RPAP1: variants seen among roughly 807,000 people sequenced by gnomAD.
RPAP1 encodes the protein RNA polymerase II-associated protein 1.
RPAP1 carries 109 observed loss-of-function variants against 142.4 expected under a neutral mutation model. The observed-to-expected ratio is 0.77, with a 90% CI of 0.66 to 0.90. The LOEUF (loss-of-function observed/expected upper bound fraction) is 0.90. RPAP1 is among the 40% of genes least tolerant of loss of function. The pLI, the probability that RPAP1 is intolerant of heterozygous loss-of-function variation, is 0.00. For missense variants in RPAP1, 1,546 were observed against 1,751.7 expected (o/e 0.88, Z 2.10); for synonymous variants, 704 against 738.9 (o/e 0.95, Z 0.77).
At chr15:41,524,868 C>T in intron 15 of RPAP1, 123 bp downstream of exon 15, 1 of 984,488 alleles carries the variant, frequency 1.0e-6, no homozygotes, top group East Asian at 2.7e-5. Flanking sequence ...TGGCAGAAGC[C>T]CTCCCACTCA....
intron 1 of RPAP1, among the ~76,000 whole-genome samples, chr15:41,541,801 C>T (rs1394039187): frequency 2.6e-5 from 4 of 152,054 alleles, no homozygotes; most frequent in African/African-American, 4.8e-5. Flanking sequence ...GAGCCAAGAT[C>T]GTGCCACTGC....
rs185353978 is a variant in RPAP1, at chr15:41,523,133, C to T, written c.2546+112G>A. 1.4e-3 allele frequency: 1,334 copies of T among 964,714 alleles called. 17 individuals are homozygous for T. Among genetic ancestry groups the T allele is most frequent in the South Asian group, 0.013 (779 of 57,982 alleles). The allele number at this position is 964,714 out of a possible 1,614,324, so 59.8% of individuals were successfully genotyped here. A position where few individuals can be genotyped will look rare whatever the true frequency, so the allele number is the denominator to read the frequency against. Reference sequence around the variant, plus strand: ...GCCTGCTAGGGACTCGGGTTTCCCTCGGGCCGAGGGCCTGCACCCTGGGAT... The same window carrying T: ...GCCTGCTAGGGACTCGGGTTTCCCTTGGGCCGAGGGCCTGCACCCTGGGAT... On this transcript the variant is annotated intron_variant, in intron 18 of 24. Transcript: ENST00000304330.
Position 41,523,260 on chromosome 15 carries a change from A to G in RPAP1, c.2531T>C (p.Leu844Pro), listed in dbSNP as rs775941787. 4 of 1,601,628 alleles carry G rather than the reference A, an allele frequency of 2.5e-6. No individual in the cohort carries two copies. In the African/African-American group the frequency reaches 5.4e-5, roughly 22 times the overall value. Residue 844 changes from leucine (L) to proline (P), a missense_variant, in exon 18 of 25, where the codon CTG (leucine) becomes CCG (proline). By Grantham distance (98) the Leu-to-Pro change is moderately conservative. Coordinates refer to ENST00000304330, the MANE Select transcript of RPAP1 (RefSeq NM_015540.4). Reference sequence around the variant, plus strand: ...CAGTACATACCTAAGGGAATCCCACAGGCTGCCCAGTGTGGGCTGACTCAG... The same window carrying G: ...CAGTACATACCTAAGGGAATCCCACGGGCTGCCCAGTGTGGGCTGACTCAG... Reference protein sequence around the residue: ...PLLSQPTLGSLWDSLRHCSLL... With the variant: ...PLLSQPTLGSPWDSLRHCSLL...
chr15:41,526,616 A>AGCCCAGC (rs2051793031), intron 14 of RPAP1, among the ~76,000 whole-genome samples: 1 of 152,172 alleles, frequency 6.6e-6, no homozygotes, highest in Non-Finnish European at 1.5e-5. Context: ...TAGATGATGA[A>AGCCCAGC]TGCCTATGTG....
At chr15:41,523,047 A>C in intron 18 of RPAP1, 87 bp from the exon 19 acceptor site, 1 of 1,178,940 alleles carries the variant, frequency 8.5e-7, no homozygotes, top group Non-Finnish European at 1.2e-6. Flanking sequence ...CCTAAGACTA[A>C]CGGGGGGCCT....
chr15:41,532,042 G>C (rs1223293684), intron 6 of RPAP1, among the ~76,000 whole-genome samples: 1 of 143,510 alleles, frequency 7.0e-6, no homozygotes, highest in Non-Finnish European at 1.5e-5. Flanking sequence ...TTTTTTTTGA[G>C]ACAGAGTCTC....
chr15:41,525,816 G>A (rs1339219788), intron 14 of RPAP1, among the ~76,000 whole-genome samples: 1 of 151,828 alleles, frequency 6.6e-6, no homozygotes, highest in East Asian at 1.9e-4. Flanking sequence ...CACCACGCCT[G>A]GCTAATTTTT....
chr15:41,523,207 C>T, intron 18 of RPAP1, 38 bp downstream of exon 18: 1 of 1,389,470 alleles, frequency 7.2e-7, no homozygotes. Context: ...AAATTGCCTC[C>T]TCCCCTGCTT....
Position 41,537,212 on chromosome 15 carries a change from G to A in RPAP1, c.-76-11C>T. On this transcript the variant is annotated splice_polypyrimidine_tract_variant and intron_variant, in intron 1 of 24. Transcript: ENST00000304330. ...CCCTCTTATTCATCCCTAAGAGCAAGAAAGAATATGGGCCCTCTGCAACTG... is the reference window on the plus strand; with the variant it reads ...CCCTCTTATTCATCCCTAAGAGCAAAAAAGAATATGGGCCCTCTGCAACTG... The A allele has an allele frequency of 7.7e-7, 1 of 1,307,006 alleles. No individual in the cohort carries two copies. The highest frequency in any genetic ancestry group is 1.1e-6 in the Non-Finnish European group (1 of 943,244). The allele number at this position is 1,307,006 out of a possible 1,614,324, so 81.0% of individuals were successfully genotyped here. A position where few individuals can be genotyped will look rare whatever the true frequency, so the allele number is the denominator to read the frequency against.
intron 1 of RPAP1, among the ~76,000 whole-genome samples, chr15:41,537,807 T>C (rs754714574): frequency 4.8e-5 from 7 of 145,936 alleles, no homozygotes; most frequent in Non-Finnish European, 9.0e-5. Flanking sequence ...CGCTTGAACC[T>C]GGGAGATGGA....
intron 6 of RPAP1, chr15:41,533,544 T>A (rs961605600): frequency 7.2e-6 from 1 of 137,976 alleles, no homozygotes; most frequent in Admixed American, 7.4e-5. Context: ...TAAAAGAAAT[T>A]CGCTGGGGGC....
chr15:41,533,491 C>G (rs780959906), intron 6 of RPAP1: 2 of 149,800 alleles, frequency 1.3e-5, no homozygotes, highest in African/African-American at 2.5e-5. Flanking sequence ...AAAACAAAAA[C>G]CAACCTGTGC....
In RPAP1 at chr15:41,527,080, A is replaced by G. The variant is rs1385843965; in HGVS notation, c.1747-12T>C. 3.7e-6 allele frequency: 6 copies of G among 1,613,006 alleles called. No homozygotes were observed. The highest frequency in any genetic ancestry group is 5.1e-6 in the Non-Finnish European group (6 of 1,179,144). On this transcript the variant is annotated splice_polypyrimidine_tract_variant and intron_variant, in intron 13 of 24. Transcript: ENST00000304330. ...GGGCACTCCAGGACCTATGGGAGACAGGAGGTAAAAGGGAGGAAGGGAGGC... is the reference window on the plus strand; with the variant it reads ...GGGCACTCCAGGACCTATGGGAGACGGGAGGTAAAAGGGAGGAAGGGAGGC...
chr15:41,524,346 G>C, intron 15 of RPAP1, 92 bp from the exon 16 acceptor site: 1 of 1,122,858 alleles, frequency 8.9e-7, no homozygotes, highest in South Asian at 2.1e-5. Context: ...TCTGCAGTTT[G>C]ATAAAGGAGG....
Position 41,522,098 on chromosome 15 carries a change from C to G in RPAP1, c.2895G>C (p.Ala965=). The change falls in exon 20 of 25, where the codon GCG becomes GCC. Residue 965 remains alanine, a splice_region_variant and synonymous_variant. Coordinates refer to ENST00000304330, the MANE Select transcript of RPAP1 (RefSeq NM_015540.4). ...QYLALALAQK[A]AALQPLPATH... Reference sequence around the variant, plus strand: ...GAACCTGTCAGACAGGGGGACCTACCGCTTTCTGGGCCAGAGCGAGTGCCA... The same window carrying G: ...GAACCTGTCAGACAGGGGGACCTACGGCTTTCTGGGCCAGAGCGAGTGCCA... The G allele has an allele frequency of 6.2e-7, 1 of 1,613,052 alleles. No individual in the cohort carries two copies. The highest frequency in any genetic ancestry group is 8.5e-7 in the Non-Finnish European group (1 of 1,179,668).
In RPAP1 at chr15:41,534,879, T is replaced by C; in HGVS notation, c.598A>G (p.Ser200Gly). The C allele has an allele frequency of 1.2e-6, 2 of 1,614,204 alleles. No individual in the cohort carries two copies. Among genetic ancestry groups the C allele is most frequent in the South Asian group, 1.1e-5 (1 of 91,088 alleles). Residue 200 changes from serine (S) to glycine (G), a missense_variant, in exon 6 of 25, where the codon AGC becomes GGC. Coordinates refer to ENST00000304330, the MANE Select transcript of RPAP1 (RefSeq NM_015540.4). Reference protein sequence around the residue: ...PRNQGCQLPGSSHSFQGPNLV... With the variant: ...PRNQGCQLPGGSHSFQGPNLV... ...TTGGGTCCCTGAAAGCTGTGGCTGC[T>C]CCCAGGAAGCTGGCAGCCCTGGTTC...
At chr15:41,524,529 G>A (rs1239242907) in intron 15 of RPAP1, among the ~76,000 whole-genome samples, 4 of 149,836 alleles carry the variant, frequency 2.7e-5, no homozygotes, top group African/African-American at 5.0e-5. Context: ...GTGCAGTGGA[G>A]TGATGGAGTG....
Position 41,520,731 on chromosome 15 carries a change from G to A in RPAP1, c.3455C>T (p.Pro1152Leu), listed in dbSNP as rs963238739. The change falls in exon 22 of 25, where the codon CCT becomes CTT. Residue 1152 changes from proline to leucine, a missense_variant. Around this residue, in one of 3 missense-constraint regions of RPAP1, gnomAD observed 1,333 missense variants for 1,486.6 expected, o/e 0.90. Coordinates refer to ENST00000304330, the MANE Select transcript of RPAP1 (RefSeq NM_015540.4). ...CATGAGCCGTGCCAGGCGGGCAGCA[G>A]GGGGCACAGCCCAGAGAGCCTGGGG... ...WRPQALWAVP[P>L]AARLARLMCV... The A allele has an allele frequency of 1.2e-6, 2 of 1,613,832 alleles. No homozygotes were observed. The highest frequency in any genetic ancestry group is 2.7e-5 in the African/African-American group (2 of 74,960).
At position 41,524,195 on chromosome 15, in the gene RPAP1, T is replaced by G. The variant is rs1328659414; in HGVS notation, c.2135A>C (p.His712Pro). ...LQVVPRELST[H>P]PPQPLSMQRI... ...CTGCATGGACAGGGGTTGAGGTGGGTGGGTGCTGAGCTCCCGCGGCACCAC... is the reference window on the plus strand; with the variant it reads ...CTGCATGGACAGGGGTTGAGGTGGGGGGGTGCTGAGCTCCCGCGGCACCAC... The change falls in exon 16 of 25, where the codon CAC becomes CCC. Residue 712 changes from histidine to proline, a missense_variant. His to Pro is a moderately conservative substitution (Grantham distance 77). Transcript: ENST00000304330. The G allele has an allele frequency of 6.3e-7, 1 of 1,587,912 alleles. No individual in the cohort carries two copies. The highest frequency in any genetic ancestry group is 2.2e-5 in the East Asian group (1 of 44,560).
Sources: gnomAD v4.1 joint callset for allele counts (sites outside exome capture counted in the v4.1 genomes callset) on GRCh38, gnomAD v4.1.1 for gene constraint, gnomAD v4.1.1 regional missense constraint, MANE v1.5 for transcripts, NCBI Gene and HGNC (gene_info 2026-07-23, HGNC 2026-07-21) for gene names.